Variants in SLC2A9 observed in about 807,000 individuals in gnomAD.
SLC2A9 encodes solute carrier family 2, facilitated glucose transporter member 9.
A neutral mutation model predicts 50.6 loss-of-function variants in SLC2A9; 39 were observed. The observed-to-expected ratio is 0.77, with a 90% CI of 0.60 to 1.01. The LOEUF is 1.01. SLC2A9 is among the 50% of genes least tolerant of loss of function. SLC2A9 has a pLI of 0.00. For missense variants in SLC2A9, 686 were observed against 677.6 expected (o/e 1.01, Z -0.14); for synonymous variants, 324 against 276.9 (o/e 1.17, Z -1.69).
chr4:9,929,710 A>G (rs1214251140), intron 6 of SLC2A9, among the ~76,000 whole-genome samples: 1 of 151,962 alleles, frequency 6.6e-6, no homozygotes, highest in Non-Finnish European at 1.5e-5. Flanking sequence ...AGCGAGAATT[A>G]CAACCCACAC....
At chr4:9,906,277 T>A (rs1443277584) in intron 8 of SLC2A9, among the ~76,000 whole-genome samples, 1 of 152,156 alleles carries the variant, frequency 6.6e-6, no homozygotes, top group Non-Finnish European at 1.5e-5. Context: ...AGCATGGCAC[T>A]GCCATCAGGT....
chr4:9,827,807 G>C (rs1407886372), intron 11 of SLC2A9, among the ~76,000 whole-genome samples: 2 of 152,196 alleles, frequency 1.3e-5, no homozygotes. Context: ...TGTGGAGAAG[G>C]GGGAGAGTAT....
chr4:9,908,521 T>C (rs567586797), intron 7 of SLC2A9, among the ~76,000 whole-genome samples, 176 bp from the exon 8 acceptor site: 1 of 150,796 alleles, frequency 6.6e-6, no homozygotes, highest in South Asian at 2.1e-4. Flanking sequence ...TCATTACTTT[T>C]TTTCCTTATT....
At chr4:10,017,610 T>A (rs958805648) in intron 2 of SLC2A9, among the ~76,000 whole-genome samples, 2 of 152,234 alleles carry the variant, frequency 1.3e-5, no homozygotes, top group Non-Finnish European at 2.9e-5. Flanking sequence ...CCAGGGCTCA[T>A]GGGAACCTTT....
At chr4:9,826,130 A>G (rs1201232673), downstream of SLC2A9, 2 of 467,988 alleles carry the variant, frequency 4.3e-6, no homozygotes, top group Non-Finnish European at 7.7e-6. Context: ...TATATAGAAG[A>G]ACGCTGGGTC....
intron 10 of SLC2A9, among the ~76,000 whole-genome samples, chr4:9,867,743 C>A (rs998881757): frequency 1.4e-4 from 21 of 152,208 alleles, no homozygotes; most frequent in African/African-American, 5.1e-4. Context: ...GCCTGACTGC[C>A]TGGGAGAGAG....
At chr4:9,835,047 G>A (rs1389114060) in intron 10 of SLC2A9, 39 bp from the exon 11 acceptor site, 3 of 1,612,096 alleles carry the variant, frequency 1.9e-6, no homozygotes, top group Admixed American at 3.3e-5. Context: ...TAATCACTCT[G>A]AGAAGGTCAT....
intron 3 of SLC2A9, among the ~76,000 whole-genome samples, chr4:9,816,939 A>G (rs1723681825): frequency 6.6e-6 from 1 of 152,214 alleles, no homozygotes; most frequent in Non-Finnish European, 1.5e-5. Flanking sequence ...TAGAGACGCA[A>G]CACCTTGGAA....
intron 10 of SLC2A9, among the ~76,000 whole-genome samples, chr4:9,856,259 A>C (rs1369304424): frequency 6.6e-6 from 1 of 152,214 alleles, no homozygotes. Flanking sequence ...AACTTAAGCA[A>C]ATCAACAAGC....
intron 10 of SLC2A9, among the ~76,000 whole-genome samples, chr4:9,844,800 TCA>T (rs1164312141): frequency 2.0e-5 from 3 of 152,260 alleles, no homozygotes; most frequent in African/African-American, 7.2e-5. Context: ...TCTATGGTTC[TCA>T]GTTTTCTCAT....
intron 3 of SLC2A9, chr4:9,783,338 A>G: frequency 6.2e-7 from 1 of 1,614,204 alleles, no homozygotes; most frequent in Non-Finnish European, 8.5e-7. Flanking sequence ...TTTCGATCGC[A>G]TGTTCCAGAT....
At chr4:10,023,143 TG>T (rs929431803), upstream of SLC2A9, among the ~76,000 whole-genome samples, 6 of 152,196 alleles carry the variant, frequency 3.9e-5, no homozygotes, top group African/African-American at 1.4e-4. Context: ...GAGACCCCGC[TG>T]GAAGAGGCGG....
intron 3 of SLC2A9, 47 bp from the exon 4 acceptor site, chr4:9,985,840 T>C: frequency 6.2e-7 from 1 of 1,613,320 alleles, no homozygotes; most frequent in East Asian, 2.2e-5. Context: ...CCATGAGGCA[T>C]GTCACTGAAC....
intron 5 of SLC2A9, among the ~76,000 whole-genome samples, chr4:9,942,471 G>C (rs1224460694): frequency 1.3e-5 from 2 of 152,218 alleles, no homozygotes; most frequent in Non-Finnish European, 2.9e-5. Flanking sequence ...ACCACCGCTA[G>C]ATATCTAGAC....
chr4:9,997,031 G>T, intron 2 of SLC2A9, 90 bp from the exon 3 acceptor site: 3 of 1,479,352 alleles, frequency 2.0e-6, no homozygotes, highest in Non-Finnish European at 2.8e-6. Context: ...AGCTTGTACA[G>T]AGCATTTTCA....
intron 5 of SLC2A9, among the ~76,000 whole-genome samples, chr4:9,946,403 C>T (rs1749162440): frequency 1.3e-5 from 2 of 152,258 alleles, no homozygotes; most frequent in Middle Eastern, 3.4e-3. Flanking sequence ...GAAATCATTA[C>T]TCTTACCCCA....
At chr4:9,945,828 T>C (rs1301503706) in intron 5 of SLC2A9, among the ~76,000 whole-genome samples, 2 of 152,214 alleles carry the variant, frequency 1.3e-5, no homozygotes, top group Non-Finnish European at 2.9e-5. Flanking sequence ...GGCAGAGACC[T>C]GCTAGCACAC....
intron 10 of SLC2A9, among the ~76,000 whole-genome samples, chr4:9,845,973 T>G (rs1367585573): frequency 6.6e-6 from 1 of 152,268 alleles, no homozygotes; most frequent in Non-Finnish European, 1.5e-5. Context: ...ATCCGACATT[T>G]ACATGTCAAG....
chr4:10,008,370 A>G (rs911647533), intron 2 of SLC2A9, among the ~76,000 whole-genome samples: 2 of 152,254 alleles, frequency 1.3e-5, no homozygotes, highest in Non-Finnish European at 2.9e-5. Context: ...GGCCCTCATC[A>G]GTCAGCAGCT....
Sources: allele counts gnomAD v4.1 joint callset (sites outside exome capture counted in the v4.1 genomes callset), GRCh38; gene constraint gnomAD v4.1.1; transcripts MANE v1.5; gene names NCBI Gene and HGNC (gene_info 2026-07-23, HGNC 2026-07-21).